TRPM1: variants seen among roughly 807,000 people sequenced by gnomAD.
TRPM1 encodes transient receptor potential cation channel subfamily M member 1.
A neutral mutation model predicts 149.4 loss-of-function variants in TRPM1; 113 were observed. The observed-to-expected ratio is 0.76, with a 90% confidence interval of 0.65 to 0.88. TRPM1 has a LOEUF of 0.88. TRPM1 is among the 40% of genes least tolerant of loss of function. The pLI is 0.00. For synonymous variants in TRPM1, 741 were observed against 759.5 expected (o/e 0.98, Z 0.40); for missense variants, 1,976 against 2,038.7 (o/e 0.97, Z 0.59).
intron 1 of TRPM1, among the ~76,000 whole-genome samples, chr15:31,116,933 A>G (rs2035806296): frequency 6.6e-6 from 1 of 152,250 alleles, no homozygotes; most frequent in African/African-American, 2.4e-5. Flanking sequence ...AATAATTACA[A>G]GGTATGCCAA....
intron 1 of TRPM1, among the ~76,000 whole-genome samples, chr15:31,093,355 G>A (rs1199344626): frequency 6.6e-6 from 1 of 151,406 alleles, no homozygotes; most frequent in Non-Finnish European, 1.5e-5. Flanking sequence ...AGCAGAAGTG[G>A]AGGGTGAAAG....
At chr15:31,069,885 T>C in intron 4 of TRPM1, 146 bp downstream of exon 4, 1 of 1,600,088 alleles carries the variant, frequency 6.2e-7, no homozygotes, top group Non-Finnish European at 8.5e-7. Flanking sequence ...TGTGCACAGA[T>C]ATATCTCTTG....
chr15:31,117,969 A>G (rs1032786760), intron 1 of TRPM1, among the ~76,000 whole-genome samples: 4 of 152,182 alleles, frequency 2.6e-5, no homozygotes, highest in Non-Finnish European at 5.9e-5. Context: ...CAGTTAAAAA[A>G]GCTGTATCAG....
chr15:31,026,904 C>G lies in TRPM1; in HGVS notation c.3496+11G>C. ...TCAGCCCAACTTAGAAATGAAGAGC[C>G]CTGCACATACTCAATCCACGATCCC... On this transcript the variant is annotated intron_variant, in intron 26 of 27. Transcript: ENST00000256552. The G allele has an allele frequency of 1.9e-6, 3 of 1,612,814 alleles. No individual in the cohort carries two copies. Among genetic ancestry groups the G allele is most frequent in the Non-Finnish European group, 2.5e-6 (3 of 1,179,692 alleles).
At chr15:31,140,236 G>A (rs531980114) in intron 1 of TRPM1, among the ~76,000 whole-genome samples, 21 of 151,130 alleles carry the variant, frequency 1.4e-4, no homozygotes, top group African/African-American at 4.6e-4. Context: ...AAAATTAGCC[G>A]GGCATGGTGG....
rs888180332 is a variant in TRPM1, at chr15:31,061,374, C to T, written c.1162+68G>A. On this transcript the variant is annotated intron_variant, in intron 10 of 27. Transcript: ENST00000256552. ...CCAGCAGACATAGTCCATGGGAGGC[C>T]GGGAGGGAAGGATTGCCGGCTAGGC... is the stretch of plus-strand genomic sequence containing the variant. 45 of 1,498,736 alleles carry T rather than the reference C, an allele frequency of 3.0e-5. 1 individual carries two copies. Among genetic ancestry groups the T allele is most frequent in the South Asian group, 1.9e-4 (17 of 88,230 alleles). The allele number at this position is 1,498,736 out of a possible 1,614,324, so 92.8% of individuals were successfully genotyped here.
intron 1 of TRPM1, among the ~76,000 whole-genome samples, chr15:31,093,413 A>T (rs1218779922): frequency 6.6e-6 from 1 of 152,186 alleles, no homozygotes; most frequent in Non-Finnish European, 1.5e-5. Context: ...AAAACAATTC[A>T]ATTTATAATA....
At chr15:31,155,491 A>G (rs2036356889) in intron 1 of TRPM1, among the ~76,000 whole-genome samples, 2 of 152,174 alleles carry the variant, frequency 1.3e-5, no homozygotes, top group Admixed American at 6.5e-5. Flanking sequence ...CCTCAGCTTC[A>G]CCCTCACTCT....
chr15:31,016,054 T>C (rs2032345334), intron 27 of TRPM1, among the ~76,000 whole-genome samples: 1 of 152,160 alleles, frequency 6.6e-6, no homozygotes, highest in Non-Finnish European at 1.5e-5. Flanking sequence ...CTGATGTTTG[T>C]GGAAGAACTA....
intron 1 of TRPM1, among the ~76,000 whole-genome samples, chr15:31,101,343 A>G (rs1285882507): frequency 6.6e-6 from 1 of 152,182 alleles, no homozygotes. Context: ...CTGTGAATCA[A>G]CCTGGTGGGT....
intron 1 of TRPM1, among the ~76,000 whole-genome samples, chr15:31,148,991 C>T (rs1375179927): frequency 2.6e-5 from 4 of 152,350 alleles, no homozygotes; most frequent in African/African-American, 7.2e-5. Context: ...GCAACCCACC[C>T]GTGTCCCTCC....
At chr15:31,087,663 C>T (rs2035040804) in intron 1 of TRPM1, among the ~76,000 whole-genome samples, 1 of 152,130 alleles carries the variant, frequency 6.6e-6, no homozygotes, top group South Asian at 2.1e-4. Context: ...AAAATGTGAT[C>T]TATCCACACA....
chr15:31,076,506 T>C (rs1160922961), intron 3 of TRPM1, among the ~76,000 whole-genome samples: 1 of 152,242 alleles, frequency 6.6e-6, no homozygotes, highest in Admixed American at 6.5e-5. Context: ...TTAATAAAGT[T>C]ATAGCTAGTT....
At chr15:31,151,646 C>A (rs776509014) in intron 1 of TRPM1, among the ~76,000 whole-genome samples, 4 of 152,250 alleles carry the variant, frequency 2.6e-5, no homozygotes, top group Non-Finnish European at 4.4e-5. Context: ...TTGGCCCTGG[C>A]TGGACCCAGT....
At position 31,068,070 on chromosome 15, in the gene TRPM1, G is replaced by A; in HGVS notation, c.302C>T (p.Thr101Ile). 3.1e-6 allele frequency: 5 copies of A among 1,614,162 alleles called. No homozygotes were observed. Among genetic ancestry groups the A allele is most frequent in the African/African-American group, 1.3e-5 (1 of 75,062 alleles). ...KAMYIRVSYD[T>I]KPDSLLHLMV... ...GAGATGGAGCAGTGAGTCTGGCTTG[G>A]TGTCATAGGATACACGGATATACTG... is the stretch of plus-strand genomic sequence containing the variant. Residue 101 changes from threonine to isoleucine, a missense_variant, in exon 5 of 28, where the codon ACC becomes ATC. Thr to Ile is a moderately conservative substitution (Grantham distance 89). Coordinates refer to ENST00000256552, the MANE Select transcript of TRPM1 (RefSeq NM_001252024.2).
chr15:31,094,147 T>C (rs1483508619), intron 1 of TRPM1, among the ~76,000 whole-genome samples: 1 of 152,194 alleles, frequency 6.6e-6, no homozygotes, highest in Non-Finnish European at 1.5e-5. Flanking sequence ...CTTGGAAAAT[T>C]GGATATCCAC....
intron 11 of TRPM1, 147 bp downstream of exon 11, chr15:31,060,397 T>A (rs2034194896): frequency 4.2e-6 from 3 of 721,644 alleles, no homozygotes; most frequent in African/African-American, 3.5e-5. Flanking sequence ...AACAGTGACA[T>A]CTTCTAATGA....
intron 1 of TRPM1, among the ~76,000 whole-genome samples, chr15:31,148,170 A>G (rs2036246949): frequency 6.6e-6 from 1 of 151,906 alleles, no homozygotes; most frequent in Non-Finnish European, 1.5e-5. Flanking sequence ...GTCCAGGCTG[A>G]CCCCAAGGGT....
chr15:31,088,989 G>T (rs12910440), intron 1 of TRPM1, among the ~76,000 whole-genome samples: 4 of 152,010 alleles, frequency 2.6e-5, no homozygotes, highest in South Asian at 2.1e-4. Flanking sequence ...TTGGCTGATG[G>T]GCAGTTCTAG....
Sources: allele counts gnomAD v4.1 joint callset (sites outside exome capture counted in the v4.1 genomes callset), GRCh38; gene constraint gnomAD v4.1.1; transcripts MANE v1.5; gene names NCBI Gene and HGNC (gene_info 2026-07-23, HGNC 2026-07-21).